DCLK2: variants seen among roughly 807,000 people sequenced by gnomAD.
The protein encoded by DCLK2 is doublecortin like kinase 2.
Under a neutral mutation model 78.4 loss-of-function variants are expected in DCLK2, and 31 were observed. That is an observed-to-expected ratio of 0.40 (90% CI 0.30 to 0.53). The LOEUF (loss-of-function observed/expected upper bound fraction) is 0.53. Ranked by LOEUF, DCLK2 falls within the 20% of genes least tolerant of loss-of-function variation. The pLI is 0.61. For synonymous variants in DCLK2, 407 were observed against 374.9 expected, an observed-to-expected ratio of 1.09 and a Z score of -0.99; for missense variants, 872 against 973.7, an observed-to-expected ratio of 0.90 and a Z score of 1.39.
chr4:150,228,274 G>A (rs1438937870), intron 8 of DCLK2, among the ~76,000 whole-genome samples: 2 of 152,208 alleles, frequency 1.3e-5, no homozygotes, highest in East Asian at 1.9e-4. Context: ...TGATGTCTTT[G>A]TGTATCCATT....
intron 1 of DCLK2, among the ~76,000 whole-genome samples, chr4:150,101,265 A>G (rs1343333418): frequency 3.9e-5 from 6 of 152,156 alleles, no homozygotes; most frequent in Non-Finnish European, 8.8e-5. Context: ...TAAATAAATT[A>G]ATTAAATAAA....
At chr4:150,194,923 G>C (rs139770261) in intron 3 of DCLK2, among the ~76,000 whole-genome samples, 2 of 151,196 alleles carry the variant, frequency 1.3e-5, no homozygotes, top group Non-Finnish European at 2.9e-5. Context: ...TCATTCATGA[G>C]CTTGGGGGTC....
At chr4:150,224,602 C>A in intron 8 of DCLK2, 44 bp downstream of exon 8, 1 of 1,538,966 alleles carries the variant, frequency 6.5e-7, no homozygotes, top group Non-Finnish European at 8.9e-7. Flanking sequence ...ACTAGAGTAA[C>A]TTGGTGAGGT....
chr4:150,243,156 T>A (rs970762552), intron 12 of DCLK2, among the ~76,000 whole-genome samples: 2 of 152,218 alleles, frequency 1.3e-5, no homozygotes, highest in Non-Finnish European at 2.9e-5. Context: ...TTGAAGAGGA[T>A]GCATTTATCA....
chr4:150,135,780 A>G (rs1164532367), intron 2 of DCLK2, among the ~76,000 whole-genome samples: 2 of 152,240 alleles, frequency 1.3e-5, no homozygotes, highest in Non-Finnish European at 2.9e-5. Flanking sequence ...GTAAACTTAA[A>G]TTTAACATTT....
intron 3 of DCLK2, among the ~76,000 whole-genome samples, chr4:150,193,954 G>A (rs1490212018): frequency 6.6e-6 from 1 of 150,816 alleles, no homozygotes; most frequent in African/African-American, 2.4e-5. Flanking sequence ...GTCTTGCTAT[G>A]TTGCCCAGGC....
intron 12 of DCLK2, 129 bp from the exon 13 acceptor site, chr4:150,247,474 A>AATTGAG: frequency 1.5e-6 from 1 of 653,152 alleles, no homozygotes; most frequent in East Asian, 2.7e-5. Context: ...TGAGATACAT[A>AATTGAG]ATTGAGATAC....
intron 4 of DCLK2, chr4:150,198,910 A>ACT (rs1553967933): frequency 4.3e-6 from 1 of 235,248 alleles, no homozygotes; most frequent in African/African-American, 2.8e-5. Flanking sequence ...CCCTTTCAGC[A>ACT]CCCCCCCCCC....
intron 15 of DCLK2, among the ~76,000 whole-genome samples, chr4:150,252,617 C>T (rs781468394): frequency 3.3e-5 from 5 of 152,192 alleles, no homozygotes; most frequent in Admixed American, 6.5e-5. Flanking sequence ...GAACCTATGT[C>T]GTGTGGTTTA....
At chr4:150,124,255 C>T (rs1732771785) in intron 2 of DCLK2, among the ~76,000 whole-genome samples, 1 of 152,150 alleles carries the variant, frequency 6.6e-6, no homozygotes, top group African/African-American at 2.4e-5. Context: ...GATGAAGCAA[C>T]GCCCACCCAG....
At chr4:150,155,678 A>G (rs1370785786) in intron 2 of DCLK2, among the ~76,000 whole-genome samples, 1 of 152,048 alleles carries the variant, frequency 6.6e-6, no homozygotes, top group Non-Finnish European at 1.5e-5. Context: ...TCATGGGTAA[A>G]ACTCTTGAGA....
At chr4:150,102,396 G>T (rs555890762) in intron 1 of DCLK2, 82 bp from the exon 2 acceptor site, 5 of 1,374,892 alleles carry the variant, frequency 3.6e-6, no homozygotes, top group Non-Finnish European at 4.0e-6. Flanking sequence ...TTCACTTAAT[G>T]GGTTTCCAGC....
intron 8 of DCLK2, 98 bp downstream of exon 8, chr4:150,224,656 A>T: frequency 1.0e-6 from 1 of 970,906 alleles, no homozygotes; most frequent in Non-Finnish European, 1.5e-6. Flanking sequence ...TGACACAACT[A>T]TCACAGCAGG....
intron 10 of DCLK2, among the ~76,000 whole-genome samples, chr4:150,235,680 T>G (rs1742446565): frequency 6.6e-6 from 1 of 152,208 alleles, no homozygotes; most frequent in Non-Finnish European, 1.5e-5. Flanking sequence ...ACTAGATCAC[T>G]TGGCAGTTTC....
chr4:150,246,634 C>G (rs929750742), intron 12 of DCLK2, among the ~76,000 whole-genome samples: 1 of 151,526 alleles, frequency 6.6e-6, no homozygotes, highest in African/African-American at 2.4e-5. Flanking sequence ...GCCTGGAAAA[C>G]TAGTGATGCT....
intron 2 of DCLK2, among the ~76,000 whole-genome samples, chr4:150,177,095 C>T (rs1400668687): frequency 6.6e-6 from 1 of 152,158 alleles, no homozygotes; most frequent in Non-Finnish European, 1.5e-5. Context: ...AAACAAGTGT[C>T]CTCTGCCTTT....
At chr4:150,097,170 G>A (rs1580492506) in intron 1 of DCLK2, among the ~76,000 whole-genome samples, 1 of 145,630 alleles carries the variant, frequency 6.9e-6, no homozygotes, top group Admixed American at 6.8e-5. Flanking sequence ...GAAATTTCTA[G>A]CCTTTTTTTT....
intron 2 of DCLK2, among the ~76,000 whole-genome samples, chr4:150,190,697 G>A (rs1031285532): frequency 1.3e-5 from 2 of 152,132 alleles, no homozygotes; most frequent in South Asian, 4.1e-4. Flanking sequence ...TGGGGATGAT[G>A]AAAATATTCA....
intron 3 of DCLK2, among the ~76,000 whole-genome samples, chr4:150,194,292 G>T (rs1167858882): frequency 6.6e-6 from 1 of 152,168 alleles, no homozygotes; most frequent in African/African-American, 2.4e-5. Flanking sequence ...ATACCATATA[G>T]TCTGGGTGAG....
Sources: gnomAD v4.1 joint callset for allele counts (sites outside exome capture counted in the v4.1 genomes callset) on GRCh38, gnomAD v4.1.1 for gene constraint, MANE v1.5 for transcripts, NCBI Gene and HGNC (gene_info 2026-07-23, HGNC 2026-07-21) for gene names.